Variants in FSIP2 observed in about 807,000 individuals in gnomAD.
The protein encoded by FSIP2 is fibrous sheath interacting protein 2, also known as fibrous sheath-interacting protein 2.
In FSIP2, 367 loss-of-function variants were observed where a neutral mutation model predicts 510.5. The observed-to-expected ratio is 0.72, with a 90% CI of 0.66 to 0.78. The LOEUF (loss-of-function observed/expected upper bound fraction) is 0.78. Ranked by LOEUF, FSIP2 falls within the 30% of genes least tolerant of loss-of-function variation. FSIP2 has a pLI of 0.00. For synonymous variants in FSIP2, 2,601 were observed against 2,732.2 expected (o/e 0.95, Z 1.50); for missense variants, 7,594 against 7,901.7 (o/e 0.96, Z 1.48).
chr2:185,815,322 A>G lies in FSIP2; in HGVS notation c.20326-49A>G, dbSNP rs371067941. On this transcript the variant is annotated intron_variant, in intron 18 of 22. Transcript: ENST00000424728. The stretch of plus-strand genomic sequence containing the variant: ...GCAAAAAATGCCATAAGGTAAGAAA[A>G]TATATCCCAAACTCCATTTAGTGTA... The G allele has an allele frequency of 9.3e-6, 8 of 858,266 alleles. No individual in the cohort carries two copies. In the African/African-American group the frequency reaches 1.2e-4, roughly 13 times the overall value. The allele number at this position is 858,266 out of a possible 1,614,324, so 53.2% of individuals were successfully genotyped here. A position where few individuals can be genotyped will look rare whatever the true frequency, so the allele number is the denominator to read the frequency against.
At position 185,792,081 on chromosome 2, in the gene FSIP2, G is replaced by T; in HGVS notation, c.4945G>T (p.Ala1649Ser). Residue 1649 changes from alanine to serine, a missense_variant, in exon 16 of 23, where the codon GCT (alanine) becomes TCT (serine). By Grantham distance (99) the Ala-to-Ser change is moderately conservative. Transcript: ENST00000424728. ...TATGCATGCAAAGAAGGTATCAAGT[G>T]CTATTTTGAAGGTTATTCAAACAGA... ...LYMHAKKVSSAILKVIQTELN... is the reference protein window; with the variant it reads ...LYMHAKKVSSSILKVIQTELN... The T allele has an allele frequency of 6.5e-7, 1 of 1,533,716 alleles. No homozygotes were observed.
chr2:185,802,833 A>C lies in FSIP2; in HGVS notation c.13527A>C (p.Leu4509=). The change falls in exon 17 of 23, where the codon CTA becomes CTC. Residue 4509 remains leucine, a synonymous_variant. Transcript: ENST00000424728. ...ATTTCAATGACATTGCTTCAAACCT[A>C]GTTAGTGATATTAGGATGAAAGTTT... ...RVNFNDIASN[L]VSDIRMKVSQ... The C allele has an allele frequency of 1.3e-6, 2 of 1,516,766 alleles. No individual in the cohort carries two copies. The highest frequency in any genetic ancestry group is 2.5e-5 in the East Asian group (1 of 40,776). The allele number at this position is 1,516,766 out of a possible 1,614,324, so 94.0% of individuals were successfully genotyped here.
chr2:185,759,549 A>T (rs13036018), intron 9 of FSIP2, among the ~76,000 whole-genome samples: 14 of 145,544 alleles, frequency 9.6e-5, no homozygotes, highest in Non-Finnish European at 1.7e-4. Context: ...ATAATTATAA[A>T]TAAGTATTAA....
rs1010191019 is a variant in FSIP2, at chr2:185,807,251, A to C, written c.17945A>C (p.Asp5982Ala). Residue 5982 changes from aspartate (D) to alanine (A), a missense_variant, in exon 17 of 23, where the codon GAT becomes GCT. By Grantham distance (126) the Asp-to-Ala change is moderately radical. Transcript: ENST00000424728. ...VSACLPLESK[D>A]VVKKVQKLAQ... ...GCATGTTTGCCTCTGGAATCTAAGGATGTTGTTAAAAAGGTCCAAAAGTTG... is the reference window on the plus strand; with the variant it reads ...GCATGTTTGCCTCTGGAATCTAAGGCTGTTGTTAAAAAGGTCCAAAAGTTG... The C allele has an allele frequency of 6.2e-7, 1 of 1,612,060 alleles. No individual in the cohort carries two copies. Among genetic ancestry groups the C allele is most frequent in the African/African-American group, 1.3e-5 (1 of 74,796 alleles).
At chr2:185,747,565 A>T (rs371780469) in intron 7 of FSIP2, 142 bp downstream of exon 7, 1 of 508,034 alleles carries the variant, frequency 2.0e-6, no homozygotes, top group East Asian at 2.9e-5. Context: ...CAAGTTATGG[A>T]CATTTTTAGT....
intron 8 of FSIP2, among the ~76,000 whole-genome samples, chr2:185,755,050 G>C (rs1692217006): frequency 6.6e-6 from 1 of 151,486 alleles, no homozygotes; most frequent in South Asian, 2.1e-4. Flanking sequence ...AATTTAGAAT[G>C]ACCTGATTAC....
At position 185,794,802 on chromosome 2, in the gene FSIP2, A is replaced by ATAATGGTTT. The variant is rs1693228927; in HGVS notation, c.7666_7667insTAATGGTTT (p.Thr2556delinsIleMetValSer). On this transcript the variant is annotated protein_altering_variant, in exon 16 of 23. Coordinates refer to ENST00000424728, the MANE Select transcript of FSIP2 (RefSeq NM_173651.4). The stretch of plus-strand genomic sequence containing the variant: ...GGGGAAAATGTACTTGGTAGTTGTG[A>ATAATGGTTT]CATCATTATATGAAAATAATAAAAG... The ATAATGGTTT allele has an allele frequency of 6.5e-7, 1 of 1,532,994 alleles. No individual in the cohort carries two copies. Among genetic ancestry groups the ATAATGGTTT allele is most frequent in the Admixed American group, 2.0e-5 (1 of 50,836 alleles). 95.0% of individuals were successfully genotyped at this position (1,532,994 alleles called of 1,614,324 possible).
At chr2:185,826,628 T>C (rs1347332118) in intron 20 of FSIP2, among the ~76,000 whole-genome samples, 2 of 151,806 alleles carry the variant, frequency 1.3e-5, no homozygotes, top group African/African-American at 4.8e-5. Context: ...TTTAACTGTT[T>C]TTTTGACTGT....
intron 21 of FSIP2, among the ~76,000 whole-genome samples, chr2:185,828,762 A>G (rs1039554847): frequency 6.6e-6 from 1 of 151,850 alleles, no homozygotes; most frequent in Non-Finnish European, 1.5e-5. Flanking sequence ...AAAGTTTCCA[A>G]TGAGAAATGA....
At chr2:185,738,632 A>T, upstream of FSIP2, 1 of 1,536,022 alleles carries the variant, frequency 6.5e-7, no homozygotes, top group Non-Finnish European at 8.7e-7. Context: ...AGAAAGATGA[A>T]GTTTCAACTG....
intron 4 of FSIP2, chr2:185,744,962 AGGTGTGTGTGTGTGG>A (rs1428539851): frequency 1.2e-4 from 14 of 113,048 alleles, no homozygotes; most frequent in Non-Finnish European, 2.3e-4. Flanking sequence ...TTTGACTTAA[AGGTGTGTGTGTGTGG>A]GGTGTGTGTG....
chr2:185,787,042 T>A (rs1325444609), intron 15 of FSIP2, among the ~76,000 whole-genome samples: 1 of 151,810 alleles, frequency 6.6e-6, no homozygotes, highest in African/African-American at 2.4e-5. Flanking sequence ...GTAACTAACC[T>A]AAGAGTAATA....
Position 185,807,390 on chromosome 2 carries a change from A to G in FSIP2, c.18084A>G (p.Ile6028Met), listed in dbSNP as rs1374886964. ...SALFSKIFST[I>M]SSTKTKEPED... is the part of the protein sequence containing the mutation. Reference sequence around the variant, plus strand: ...TTTTCTCCAAAATTTTCTCAACAATATCCAGCACAAAAACAAAAGAACCTG... The same window carrying G: ...TTTTCTCCAAAATTTTCTCAACAATGTCCAGCACAAAAACAAAAGAACCTG... The change falls in exon 17 of 23, where the codon ATA becomes ATG. Residue 6028 changes from isoleucine to methionine, a missense_variant. Transcript: ENST00000424728. 2 of 1,608,508 alleles carry G rather than the reference A, an allele frequency of 1.2e-6. No individual in the cohort carries two copies. The highest frequency in any genetic ancestry group is 4.5e-5 in the East Asian group (2 of 44,800).
chr2:185,740,023 G>T (rs1230983983), intron 2 of FSIP2, among the ~76,000 whole-genome samples: 2 of 152,126 alleles, frequency 1.3e-5, no homozygotes, highest in Non-Finnish European at 1.5e-5. Context: ...ATGAGGAAGA[G>T]ACTCCATAAT....
intron 9 of FSIP2, among the ~76,000 whole-genome samples, chr2:185,757,550 T>G (rs189020084): frequency 4.8e-4 from 72 of 151,392 alleles, no homozygotes; most frequent in Non-Finnish European, 9.0e-4. Context: ...TCATCATATG[T>G]TTTTAGAGGT....
rs900166959 is a variant in FSIP2, at chr2:185,815,756, C to A, written c.20426+285C>A. ...GCTAATGTATTAGGGTATTTTCTAA[C>A]CTGAGAGAGAGAGGTAATGGCCCAG... On this transcript the variant is annotated intron_variant, in intron 19 of 22. Transcript: ENST00000424728. 2.6e-5 allele frequency among the ~76,000 whole-genome samples: 4 copies of A among 151,848 alleles called. No individual in the cohort carries two copies. In the South Asian group the frequency reaches 8.3e-4, roughly 32 times the overall value.
Position 185,794,259 on chromosome 2 carries a change from T to C in FSIP2, c.7123T>C (p.Tyr2375His), listed in dbSNP as rs1216495653. Reference protein sequence around the residue: ...NDLDLEIQKIYPYQNNILFQE... With the variant: ...NDLDLEIQKIHPYQNNILFQE... Reference sequence around the variant, plus strand: ...CTTAGACTTAGAAATTCAAAAGATATATCCATATCAAAACAATATTTTGTT... The same window carrying C: ...CTTAGACTTAGAAATTCAAAAGATACATCCATATCAAAACAATATTTTGTT... Residue 2375 changes from tyrosine to histidine, a missense_variant, in exon 16 of 23, where the codon TAT becomes CAT. Coordinates refer to ENST00000424728, the MANE Select transcript of FSIP2 (RefSeq NM_173651.4). 9.1e-6 allele frequency: 14 copies of C among 1,531,354 alleles called. No individual in the cohort carries two copies. Among genetic ancestry groups the C allele is most frequent in the Non-Finnish European group, 1.2e-5 (14 of 1,144,552 alleles). 94.9% of individuals were successfully genotyped at this position (1,531,354 alleles called of 1,614,324 possible). A position where few individuals can be genotyped will look rare whatever the true frequency, so the allele number is the denominator to read the frequency against.
chr2:185,762,646 T>C (rs1359528857), intron 11 of FSIP2, among the ~76,000 whole-genome samples: 1 of 151,412 alleles, frequency 6.6e-6, no homozygotes, highest in Non-Finnish European at 1.5e-5. Context: ...AAAGTTCACA[T>C]TTTCTGCCTA....
Position 185,833,247 on chromosome 2 carries a change from G to A in FSIP2, c.*21G>A, listed in dbSNP as rs1403417190. The A allele has an allele frequency of 1.9e-6, 3 of 1,576,672 alleles. No individual in the cohort carries two copies. The African/African-American group carries it at 4.1e-5, about 22-fold the overall frequency. On this transcript the variant is annotated 3_prime_UTR_variant, in exon 23 of 23. Transcript: ENST00000424728. Reference sequence around the variant, plus strand: ...ACTGAAGCTTTTGTACCTGATATAAGTATGCTTACTTCTTTTAGAAAATAA... The same window carrying A: ...ACTGAAGCTTTTGTACCTGATATAAATATGCTTACTTCTTTTAGAAAATAA...
Sources: allele counts gnomAD v4.1 joint callset (sites outside exome capture counted in the v4.1 genomes callset), GRCh38; gene constraint gnomAD v4.1.1; transcripts MANE v1.5; gene names NCBI Gene and HGNC (gene_info 2026-07-23, HGNC 2026-07-21).